The following CALN1 variants were observed in gnomAD, a reference collection of about 807,000 sequenced individuals.
CALN1 encodes the protein calcium-binding protein 8.
A neutral mutation model predicts 30.6 loss-of-function variants in CALN1; 17 were observed. The ratio of observed to expected loss-of-function variants is 0.56; its 90% CI spans 0.38 to 0.83. The LOEUF (loss-of-function observed/expected upper bound fraction) is 0.83, where lower values mean the gene tolerates loss of function less well. Among genes scored for constraint, CALN1 ranks in the 40% least tolerant of loss-of-function variants. The pLI, the probability that CALN1 is intolerant of heterozygous loss-of-function variation, is 0.00. For missense variants in CALN1, 291 were observed against 354.9 expected, an observed-to-expected ratio of 0.82 and a Z score of 1.45; for synonymous variants, 156 against 131.4, an observed-to-expected ratio of 1.19 and a Z score of -1.28.
intron 5 of CALN1, among the ~76,000 whole-genome samples, chr7:71,943,114 G>A (rs919741481): frequency 1.4e-5 from 2 of 144,580 alleles, no homozygotes; most frequent in South Asian, 2.3e-4. Context: ...TCGGGCACAT[G>A]TCGCCAGGAC....
intron 4 of CALN1, among the ~76,000 whole-genome samples, chr7:72,037,449 C>A (rs1801870369): frequency 6.6e-6 from 1 of 152,154 alleles, no homozygotes; most frequent in Admixed American, 6.5e-5. Flanking sequence ...TGCACCCAGC[C>A]TCCTTTCATA....
At chr7:72,022,994 T>C (rs993423667) in intron 5 of CALN1, among the ~76,000 whole-genome samples, 2 of 151,212 alleles carry the variant, frequency 1.3e-5, no homozygotes, top group Non-Finnish European at 2.9e-5. Context: ...CGTGTCTAAC[T>C]GGTAATTTAA....
intron 5 of CALN1, among the ~76,000 whole-genome samples, chr7:71,882,337 TG>T (rs1345526945): frequency 6.6e-6 from 1 of 152,194 alleles, no homozygotes. Context: ...GTGATTACAC[TG>T]GGGCCACTTT....
chr7:72,151,106 A>G (rs776150525), intron 3 of CALN1, among the ~76,000 whole-genome samples: 3 of 152,148 alleles, frequency 2.0e-5, no homozygotes, highest in African/African-American at 4.8e-5. Flanking sequence ...TAGGGCTGCC[A>G]TAACAAAGGA....
At chr7:72,047,522 G>A (rs1802548678) in intron 4 of CALN1, among the ~76,000 whole-genome samples, 1 of 152,174 alleles carries the variant, frequency 6.6e-6, no homozygotes, top group Non-Finnish European at 1.5e-5. Context: ...CCAGGACTTA[G>A]AGACTGCACT....
chr7:72,336,618 G>C, intron 2 of CALN1: 1 of 904,642 alleles, frequency 1.1e-6, no homozygotes, highest in Non-Finnish European at 1.3e-6. Context: ...CGGGGGTTTG[G>C]ACACCCTAGA....
chr7:72,144,334 T>C (rs982627589), intron 3 of CALN1, among the ~76,000 whole-genome samples: 1 of 152,050 alleles, frequency 6.6e-6, no homozygotes, highest in Non-Finnish European at 1.5e-5. Context: ...TCCTAGTCTC[T>C]GATAAAAGAC....
intron 2 of CALN1, among the ~76,000 whole-genome samples, chr7:72,358,598 C>T (rs948342080): frequency 6.6e-6 from 1 of 152,112 alleles, no homozygotes; most frequent in Non-Finnish European, 1.5e-5. Flanking sequence ...AGAAGAAAAG[C>T]GCAATTTGTG....
At chr7:72,296,609 GA>G (rs1798881700) in intron 2 of CALN1, among the ~76,000 whole-genome samples, 1 of 141,404 alleles carries the variant, frequency 7.1e-6, no homozygotes, top group Admixed American at 7.3e-5. Context: ...ATGTGTCGAG[GA>G]ATTTATCCAT....
chr7:71,967,486 G>T (rs971746671), intron 5 of CALN1, among the ~76,000 whole-genome samples: 1 of 151,718 alleles, frequency 6.6e-6, no homozygotes, highest in African/African-American at 2.4e-5. Flanking sequence ...CAAATTAACT[G>T]AGCTCAGTGG....
chr7:72,052,249 C>T (rs192591692), intron 4 of CALN1, among the ~76,000 whole-genome samples: 3 of 152,258 alleles, frequency 2.0e-5, no homozygotes, highest in African/African-American at 4.8e-5. Flanking sequence ...GGAGTAAATG[C>T]GGAGTTAAGG....
chr7:72,386,257 G>A (rs960059330), intron 2 of CALN1, among the ~76,000 whole-genome samples: 1 of 152,122 alleles, frequency 6.6e-6, no homozygotes, highest in Non-Finnish European at 1.5e-5. Flanking sequence ...AATGATCTAG[G>A]AGGTCCATGG....
chr7:71,812,896 ACCATGT>A (rs1446952106), intron 5 of CALN1, among the ~76,000 whole-genome samples: 1 of 150,464 alleles, frequency 6.6e-6, no homozygotes, highest in Non-Finnish European at 1.5e-5. Flanking sequence ...GACATGCACC[ACCATGT>A]CCAGCTATTT....
At chr7:72,413,912 C>A (rs772883476), upstream of CALN1, among the ~76,000 whole-genome samples, 3 of 151,872 alleles carry the variant, frequency 2.0e-5, no homozygotes. Flanking sequence ...ACGTACACAC[C>A]GCACTCCCAT....
chr7:72,291,227 T>A (rs998339082), intron 2 of CALN1, among the ~76,000 whole-genome samples: 2 of 152,158 alleles, frequency 1.3e-5, no homozygotes, highest in African/African-American at 4.8e-5. Context: ...CTAGCCCTTT[T>A]AACCATTTCT....
intron 2 of CALN1, among the ~76,000 whole-genome samples, chr7:72,301,917 C>T (rs1799290554): frequency 6.6e-6 from 1 of 152,014 alleles, no homozygotes; most frequent in Admixed American, 6.6e-5. Flanking sequence ...TTCAAGAAAA[C>T]CAGTGTCACC....
intron 3 of CALN1, among the ~76,000 whole-genome samples, chr7:72,200,815 T>G (rs143977961): frequency 2.6e-5 from 4 of 152,338 alleles, no homozygotes; most frequent in African/African-American, 9.6e-5. Flanking sequence ...GTCAAAGCTG[T>G]AGCTATATTA....
chr7:72,219,083 G>A (rs1319577891), intron 3 of CALN1, among the ~76,000 whole-genome samples: 1 of 152,120 alleles, frequency 6.6e-6, no homozygotes, highest in African/African-American at 2.4e-5. Context: ...CATTTTTTGG[G>A]AATATGTATT....
the CALN1 span, among the ~76,000 whole-genome samples, chr7:72,483,190 C>A: frequency 2.1e-5 from 3 of 146,138 alleles, no homozygotes; most frequent in African/African-American, 7.6e-5. Context: ...TTATGATATG[C>A]TTTGGTGTTG....
Sources: gnomAD v4.1 joint callset for allele counts (sites outside exome capture counted in the v4.1 genomes callset) on GRCh38, gnomAD v4.1.1 for gene constraint, MANE v1.5 for transcripts, NCBI Gene and HGNC (gene_info 2026-07-23, HGNC 2026-07-21) for gene names.